Variants in CEP128 observed in about 807,000 individuals in gnomAD.
CEP128 encodes the protein centrosomal protein 128.
Under a neutral mutation model 156.7 loss-of-function variants are expected in CEP128, and 132 were observed. The ratio of observed to expected loss-of-function variants is 0.84; its 90% CI spans 0.73 to 0.97. The LOEUF (loss-of-function observed/expected upper bound fraction) is 0.97, where lower values mean the gene tolerates loss of function less well. Among genes scored for constraint, CEP128 ranks in the 50% least tolerant of loss-of-function variants. CEP128 has a pLI of 0.00. For missense variants in CEP128, 1,252 were observed against 1,281.9 expected, an observed-to-expected ratio of 0.98 and a Z score of 0.36; for synonymous variants, 469 against 448.9, an observed-to-expected ratio of 1.04 and a Z score of -0.57.
intron 14 of CEP128, 100 bp downstream of exon 14, chr14:80,792,660 T>G: frequency 1.2e-6 from 1 of 858,518 alleles, no homozygotes; most frequent in Non-Finnish European, 1.9e-6. Flanking sequence ...GACATATTGA[T>G]TATATGTACA....
chr14:80,597,637 GAAAGA>G (rs1892389713), intron 19 of CEP128, among the ~76,000 whole-genome samples: 1 of 138,622 alleles, frequency 7.2e-6, no homozygotes, highest in Non-Finnish European at 1.6e-5. Flanking sequence ...AGAAAGAAAA[GAAAGA>G]AAAGAAAAAA....
At chr14:80,687,681 T>G (rs1896574377) in intron 19 of CEP128, among the ~76,000 whole-genome samples, 1 of 152,124 alleles carries the variant, frequency 6.6e-6, no homozygotes, top group African/African-American at 2.4e-5. Flanking sequence ...GTCAGCATCA[T>G]GCAATATAGC....
At chr14:80,653,068 C>G (rs1407545413) in intron 19 of CEP128, among the ~76,000 whole-genome samples, 4 of 152,138 alleles carry the variant, frequency 2.6e-5, no homozygotes, top group Non-Finnish European at 5.9e-5. Context: ...AACCATCATT[C>G]TCAGCAAACT....
At chr14:80,839,844 T>C (rs1016070843) in intron 10 of CEP128, among the ~76,000 whole-genome samples, 6 of 152,186 alleles carry the variant, frequency 3.9e-5, no homozygotes, top group Non-Finnish European at 8.8e-5. Context: ...TGTCCTGTTC[T>C]TCAGTCTCTA....
In CEP128 at chr14:80,793,092, C is replaced by G. The variant is rs566004102; in HGVS notation, c.1228G>C (p.Glu410Gln). Residue 410 changes from glutamate to glutamine, a missense_variant, in exon 14 of 25, where the codon GAG becomes CAG. Physicochemically the swap from Glu to Gln is conservative, Grantham distance 29. Coordinates refer to ENST00000555265, the MANE Select transcript of CEP128 (RefSeq NM_152446.5). ...TGCAGTTGCTGTTTTTCCCCATTCTCCAGTTCACGTGTTAAATTCTACGAA... is the reference window on the plus strand; with the variant it reads ...TGCAGTTGCTGTTTTTCCCCATTCTGCAGTTCACGTGTTAAATTCTACGAA... ...SQVENLTRELENGEKQQLQML... is the reference protein window; with the variant it reads ...SQVENLTRELQNGEKQQLQML... 142 of 1,611,378 alleles carry G rather than the reference C, an allele frequency of 8.8e-5. 1 individual carries two copies. The South Asian group carries it at 1.5e-3, about 17-fold the overall frequency.
chr14:80,668,089 GT>G (rs1436791542), intron 19 of CEP128, among the ~76,000 whole-genome samples: 4 of 152,100 alleles, frequency 2.6e-5, no homozygotes, highest in African/African-American at 9.7e-5. Flanking sequence ...TTTACGTGAA[GT>G]AACACACTTA....
chr14:80,818,339 C>T (rs751409860), intron 13 of CEP128, among the ~76,000 whole-genome samples: 1 of 152,200 alleles, frequency 6.6e-6, no homozygotes, highest in Non-Finnish European at 1.5e-5. Context: ...TTATATCCAG[C>T]AAAACTATCC....
chr14:80,929,278 A>G (rs1463491658), intron 2 of CEP128, among the ~76,000 whole-genome samples: 1 of 152,248 alleles, frequency 6.6e-6, no homozygotes, highest in Non-Finnish European at 1.5e-5. Context: ...TGGAAATGTA[A>G]ATCAGTACAA....
intron 21 of CEP128, among the ~76,000 whole-genome samples, chr14:80,557,864 C>G (rs142257903): frequency 2.0e-5 from 3 of 151,894 alleles, no homozygotes; most frequent in East Asian, 1.9e-4. Flanking sequence ...AAAATCACTA[C>G]GACTAAGATA....
At chr14:80,815,800 A>T (rs542699389) in intron 13 of CEP128, among the ~76,000 whole-genome samples, 1 of 152,384 alleles carries the variant, frequency 6.6e-6, no homozygotes, top group South Asian at 2.1e-4. Context: ...ACTGGGGTCC[A>T]TTATGATTAA....
At chr14:80,610,290 G>A (rs921399525) in intron 19 of CEP128, among the ~76,000 whole-genome samples, 9 of 151,980 alleles carry the variant, frequency 5.9e-5, no homozygotes, top group Admixed American at 2.6e-4. Context: ...ATCTAGGAAT[G>A]CTACTGTTTT....
chr14:80,774,793 A>C (rs1044373351), intron 16 of CEP128, among the ~76,000 whole-genome samples: 7 of 152,140 alleles, frequency 4.6e-5, no homozygotes, highest in Non-Finnish European at 1.0e-4. Flanking sequence ...AAAAGTGCCC[A>C]CCTGTTTGGT....
intron 19 of CEP128, among the ~76,000 whole-genome samples, chr14:80,656,275 TTATTTATATATATATTTATATATATATA>T (rs1455648434): frequency 0.033 from 1,474 of 44,516 alleles, 211 homozygotes; most frequent in Non-Finnish European, 0.039. Context: ...ACCTAAGTTT[TTATTTATATATATATTTATATATATATA>T]TATATATATA....
chr14:80,556,775 C>T (rs1184400675), intron 21 of CEP128, among the ~76,000 whole-genome samples: 3 of 152,138 alleles, frequency 2.0e-5, no homozygotes, highest in Non-Finnish European at 4.4e-5. Context: ...AACAACTCAA[C>T]CAAATATGGA....
chr14:80,853,325 A>G (rs369226218), intron 9 of CEP128, among the ~76,000 whole-genome samples: 4 of 151,888 alleles, frequency 2.6e-5, no homozygotes, highest in African/African-American at 7.2e-5. Context: ...AAAGAAAAGA[A>G]TTATAAAGAG....
chr14:80,880,604 T>C (rs949174392), intron 8 of CEP128, among the ~76,000 whole-genome samples: 1 of 151,242 alleles, frequency 6.6e-6, no homozygotes, highest in African/African-American at 2.4e-5. Context: ...TTAAAAATAA[T>C]AAGGTTCATT....
chr14:80,885,704 A>C (rs1888763478), intron 8 of CEP128, among the ~76,000 whole-genome samples: 1 of 152,106 alleles, frequency 6.6e-6, no homozygotes, highest in Admixed American at 6.5e-5. Context: ...AATTCCAAAA[A>C]CCAGAATGAC....
chr14:80,483,940 T>C (rs1438635421), intron 14 of CEP128, among the ~76,000 whole-genome samples: 1 of 152,208 alleles, frequency 6.6e-6, no homozygotes, highest in African/African-American at 2.4e-5. Context: ...TAACAGGTGA[T>C]GGTATCAAAA....
chr14:80,612,041 G>C (rs980653413), intron 19 of CEP128, among the ~76,000 whole-genome samples: 3 of 152,064 alleles, frequency 2.0e-5, no homozygotes, highest in African/African-American at 4.8e-5. Context: ...CTGAGTGGCA[G>C]AGCGAGACTC....
Sources: gnomAD v4.1 joint callset for allele counts (sites outside exome capture counted in the v4.1 genomes callset) on GRCh38, gnomAD v4.1.1 for gene constraint, MANE v1.5 for transcripts, NCBI Gene and HGNC (gene_info 2026-07-23, HGNC 2026-07-21) for gene names.